Variants in SNTG1 observed in about 807,000 individuals in gnomAD.
SNTG1 encodes gamma-1-syntrophin.
SNTG1 carries 39 observed loss-of-function variants against 74.7 expected under a neutral mutation model. The observed-to-expected ratio is 0.52, with a 90% CI of 0.40 to 0.68. The LOEUF is 0.68. Ranked by LOEUF, SNTG1 falls within the 30% of genes least tolerant of loss-of-function variation. The pLI, the probability that SNTG1 is intolerant of heterozygous loss-of-function variation, is 0.00. For missense variants in SNTG1, 685 were observed against 609.5 expected (o/e 1.12, Z -1.30); for synonymous variants, 254 against 217.1 (o/e 1.17, Z -1.49).
intron 16 of SNTG1, among the ~76,000 whole-genome samples, chr8:50,706,698 TA>T (rs1469693117): frequency 6.6e-6 from 1 of 152,122 alleles, no homozygotes; most frequent in Non-Finnish European, 1.5e-5. Context: ...ACAGATTTTA[TA>T]ACTCTTATTT....
At chr8:50,414,203 A>T (rs1040120523) in intron 4 of SNTG1, among the ~76,000 whole-genome samples, 1 of 152,154 alleles carries the variant, frequency 6.6e-6, no homozygotes, top group South Asian at 2.1e-4. Context: ...TAGAATTTAC[A>T]ATTAGTTCTT....
At chr8:49,928,022 G>A (rs560135076) in intron 1 of SNTG1, among the ~76,000 whole-genome samples, 7 of 151,452 alleles carry the variant, frequency 4.6e-5, no homozygotes, top group Admixed American at 2.6e-4. Flanking sequence ...CCAGCTACTC[G>A]GGGGGCTGAG....
At chr8:49,948,149 A>C (rs1211802053) in intron 1 of SNTG1, among the ~76,000 whole-genome samples, 1 of 152,144 alleles carries the variant, frequency 6.6e-6, no homozygotes, top group East Asian at 1.9e-4. Context: ...AAATGAAAAA[A>C]ATAAGAAAAA....
intron 2 of SNTG1, among the ~76,000 whole-genome samples, chr8:50,214,618 T>C (rs1427800219): frequency 6.6e-6 from 1 of 152,090 alleles, no homozygotes; most frequent in East Asian, 1.9e-4. Context: ...ATCTACTGTG[T>C]TTTATTTTCT....
chr8:50,794,412 C>G lies in SNTG1; in HGVS notation c.*1583C>G, dbSNP rs573129751. On this transcript the variant is annotated 3_prime_UTR_variant, in exon 19 of 19. Transcript: ENST00000642720. Reference sequence around the variant, plus strand: ...AGAAAAAGTGAGGGTTTATAATTGTCCCTGGGAAAATGTTAAACTGAATCT... The same window carrying G: ...AGAAAAAGTGAGGGTTTATAATTGTGCCTGGGAAAATGTTAAACTGAATCT... The G allele has an allele frequency of 6.6e-6, 1 of 151,868 alleles. No homozygotes were observed. The highest frequency in any genetic ancestry group is 1.9e-4 in the East Asian group (1 of 5,150). The allele number at this position is 151,868 out of a possible 1,614,324, so 9.4% of individuals were successfully genotyped here. A position where few individuals can be genotyped will look rare whatever the true frequency, so the allele number is the denominator to read the frequency against.
intron 16 of SNTG1, among the ~76,000 whole-genome samples, chr8:50,705,535 C>G (rs1449740367): frequency 1.3e-4 from 20 of 151,974 alleles, no homozygotes; most frequent in Admixed American, 1.2e-3. Context: ...TTATTTATAG[C>G]AGCATCTATA....
intron 1 of SNTG1, among the ~76,000 whole-genome samples, chr8:50,024,521 G>A (rs561245576): frequency 6.6e-6 from 1 of 152,186 alleles, no homozygotes; most frequent in East Asian, 1.9e-4. Context: ...AGCCAGTCAA[G>A]CAGTTCCCTT....
At chr8:50,566,669 A>G (rs1006231197) in intron 12 of SNTG1, among the ~76,000 whole-genome samples, 11 of 152,038 alleles carry the variant, frequency 7.2e-5, no homozygotes, top group African/African-American at 2.7e-4. Flanking sequence ...TATAACCTCA[A>G]AACTCTCCAT....
intron 15 of SNTG1, among the ~76,000 whole-genome samples, chr8:50,671,415 T>A (rs553956253): frequency 1.7e-4 from 25 of 151,358 alleles, no homozygotes; most frequent in Middle Eastern, 6.8e-3. Context: ...AAAGAAGATA[T>A]TTATGCAGCC....
At chr8:49,979,494 C>T (rs1213676791) in intron 1 of SNTG1, among the ~76,000 whole-genome samples, 1 of 152,158 alleles carries the variant, frequency 6.6e-6, no homozygotes, top group Non-Finnish European at 1.5e-5. Context: ...CCCCTTCTGC[C>T]CAACCTTTGC....
At chr8:49,995,728 G>A (rs949220966) in intron 1 of SNTG1, among the ~76,000 whole-genome samples, 10 of 152,222 alleles carry the variant, frequency 6.6e-5, no homozygotes, top group Admixed American at 3.9e-4. Flanking sequence ...AGCTCTAGAG[G>A]AGCACACCCT....
At chr8:50,718,005 T>A (rs909341115) in intron 17 of SNTG1, among the ~76,000 whole-genome samples, 1 of 152,166 alleles carries the variant, frequency 6.6e-6, no homozygotes, top group Non-Finnish European at 1.5e-5. Flanking sequence ...GGGTTTGTGC[T>A]TTTGGAGGTC....
intron 2 of SNTG1, among the ~76,000 whole-genome samples, chr8:50,353,298 T>C (rs937306628): frequency 4.6e-5 from 7 of 151,568 alleles, no homozygotes; most frequent in African/African-American, 1.7e-4. Flanking sequence ...GAGATATACC[T>C]ATTGTAAATG....
chr8:50,330,086 CA>C (rs2090905315), intron 2 of SNTG1, among the ~76,000 whole-genome samples: 1 of 152,146 alleles, frequency 6.6e-6, no homozygotes, highest in Non-Finnish European at 1.5e-5. Flanking sequence ...TGTCCCCACA[CA>C]AATTTCATCC....
intron 2 of SNTG1, among the ~76,000 whole-genome samples, chr8:50,287,198 A>G (rs11988393): frequency 0.07 from 10,571 of 152,090 alleles, 400 homozygotes; most frequent in African/African-American, 0.085. Flanking sequence ...TTCAACATCT[A>G]ACTTTTTACT....
chr8:50,701,589 T>C (rs1281890139), intron 15 of SNTG1, among the ~76,000 whole-genome samples: 2 of 110,772 alleles, frequency 1.8e-5, no homozygotes, highest in Non-Finnish European at 4.2e-5. Flanking sequence ...TTTCTTCCTC[T>C]TCTTCTTCTT....
chr8:50,016,609 A>C (rs1455402119), intron 1 of SNTG1, among the ~76,000 whole-genome samples: 2 of 152,110 alleles, frequency 1.3e-5, no homozygotes, highest in East Asian at 1.9e-4. Flanking sequence ...AGCCAAATGC[A>C]TTGTTGATGA....
At chr8:50,042,638 C>T (rs1259658287) in intron 1 of SNTG1, among the ~76,000 whole-genome samples, 3 of 152,074 alleles carry the variant, frequency 2.0e-5, no homozygotes, top group African/African-American at 7.2e-5. Context: ...CTCTTTGCAG[C>T]CTCAAACTCC....
At chr8:50,669,596 G>A (rs1279729124) in intron 15 of SNTG1, among the ~76,000 whole-genome samples, 2 of 152,068 alleles carry the variant, frequency 1.3e-5, no homozygotes, top group Non-Finnish European at 2.9e-5. Flanking sequence ...ACTCACAGCC[G>A]AATTCTACCA....
Sources: allele counts gnomAD v4.1 joint callset (sites outside exome capture counted in the v4.1 genomes callset), GRCh38; gene constraint gnomAD v4.1.1; transcripts MANE v1.5; gene names NCBI Gene and HGNC (gene_info 2026-07-23, HGNC 2026-07-21).